CSMD3: variants seen among roughly 807,000 people sequenced by gnomAD.
CSMD3 encodes CUB and Sushi multiple domains 3.
CSMD3 carries 177 observed loss-of-function variants against 435.2 expected under a neutral mutation model. The ratio of observed to expected loss-of-function variants is 0.41; its 90% CI spans 0.36 to 0.46. The LOEUF (loss-of-function observed/expected upper bound fraction) is 0.46. Among genes scored for constraint, CSMD3 ranks in the 20% least tolerant of loss-of-function variants. The probability of loss-of-function intolerance (pLI) is 0.34; values close to 1 mark genes in which losing one functional copy is unlikely to be tolerated. For synonymous variants in CSMD3, 1,656 were observed against 1,520.5 expected, an observed-to-expected ratio of 1.09 and a Z score of -2.07; for missense variants, 4,265 against 4,504.6, an observed-to-expected ratio of 0.95 and a Z score of 1.52.
At chr8:112,345,742 AGATAAT>A (rs1317128596) in intron 41 of CSMD3, among the ~76,000 whole-genome samples, 1 of 152,150 alleles carries the variant, frequency 6.6e-6, no homozygotes, top group African/African-American at 2.4e-5. Context: ...AAAATATTAG[AGATAAT>A]ATATTAATTA....
At chr8:112,645,041 G>A in intron 20 of CSMD3, 68 bp downstream of exon 20, 2 of 856,470 alleles carry the variant, frequency 2.3e-6, no homozygotes, top group Non-Finnish European at 4.1e-6. Flanking sequence ...GTAAAGGAAA[G>A]TGAAATAAGA....
At chr8:112,643,515 A>G (rs1203350108) in intron 20 of CSMD3, 1 of 170,252 alleles carries the variant, frequency 5.9e-6, no homozygotes, top group Non-Finnish European at 1.5e-5. Context: ...ATACAGATTT[A>G]ATTAACATTT....
intron 1 of CSMD3, among the ~76,000 whole-genome samples, chr8:113,364,889 G>A (rs776165968): frequency 6.6e-6 from 1 of 151,934 alleles, no homozygotes; most frequent in South Asian, 2.1e-4. Context: ...AAATTAAAAG[G>A]TTTCTGGACC....
chr8:112,834,079 A>G (rs2079954754), intron 11 of CSMD3, among the ~76,000 whole-genome samples: 1 of 151,916 alleles, frequency 6.6e-6, no homozygotes, highest in Admixed American at 6.6e-5. Flanking sequence ...CACCCATTTA[A>G]TGGTAGATTT....
chr8:112,518,691 C>T (rs1823959790), intron 27 of CSMD3, among the ~76,000 whole-genome samples: 1 of 151,442 alleles, frequency 6.6e-6, no homozygotes, highest in Non-Finnish European at 1.5e-5. Flanking sequence ...TTGATTTGCT[C>T]TGGAATGGTT....
intron 1 of CSMD3, among the ~76,000 whole-genome samples, chr8:113,412,865 C>A (rs561566455): frequency 1.3e-5 from 2 of 152,102 alleles, no homozygotes; most frequent in African/African-American, 4.8e-5. Flanking sequence ...GCCAGGGAAT[C>A]TGAAACAAGA....
chr8:112,658,050 T>C (rs1239640856), intron 17 of CSMD3, among the ~76,000 whole-genome samples: 1 of 152,220 alleles, frequency 6.6e-6, no homozygotes, highest in Non-Finnish European at 1.5e-5. Flanking sequence ...CTTTCTTTTC[T>C]CTAGGGTAGT....
chr8:113,132,792 A>AAGGG (rs1311333972), intron 4 of CSMD3, among the ~76,000 whole-genome samples: 1 of 152,134 alleles, frequency 6.6e-6, no homozygotes, highest in African/African-American at 2.4e-5. Flanking sequence ...GGGAATAGGG[A>AAGGG]AGGGGGCTTA....
chr8:113,265,253 T>C lies in CSMD3; in HGVS notation c.514+13339A>G, dbSNP rs527630535. ...CCTGCATAATGTCTGGAAAGATAAG[T>C]ATGTGAGCCAATAAGTGAAGTGTGT... On this transcript the variant is annotated intron_variant, in intron 3 of 70. Transcript: ENST00000297405. Among the ~76,000 whole-genome samples the C allele has an allele frequency of 5.3e-5, 8 of 151,498 alleles. No individual in the cohort carries two copies. The South Asian group carries it at 1.2e-3, about 24-fold the overall frequency.
chr8:113,233,847 G>A (rs763367129), intron 3 of CSMD3, among the ~76,000 whole-genome samples: 6 of 152,078 alleles, frequency 3.9e-5, no homozygotes, highest in African/African-American at 1.2e-4. Context: ...ACAATTTGAC[G>A]GTTGCTGACA....
chr8:112,519,611 T>C (rs1391664904), intron 27 of CSMD3, among the ~76,000 whole-genome samples: 1 of 152,146 alleles, frequency 6.6e-6, no homozygotes, highest in African/African-American at 2.4e-5. Flanking sequence ...TAGAAGCATA[T>C]GTCAATAGCT....
chr8:112,380,372 C>T lies in CSMD3; in HGVS notation c.6116G>A (p.Gly2039Glu). 1 of 1,581,850 alleles carries T rather than the reference C, an allele frequency of 6.3e-7. No individual in the cohort carries two copies. Among genetic ancestry groups the T allele is most frequent in the Non-Finnish European group, 8.7e-7 (1 of 1,151,094 alleles). The change falls in exon 38 of 71, where the codon GGA (glycine) becomes GAA (glutamate). Residue 2039 changes from glycine (G) to glutamate (E), a missense_variant. Physicochemically the swap from Gly to Glu is moderately conservative, Grantham distance 98 (BLOSUM62 -2). Around this residue, in one of 3 missense-constraint regions of CSMD3, gnomAD observed 3,255 missense variants for 3,380.2 expected, o/e 0.96. Coordinates refer to ENST00000297405, the MANE Select transcript of CSMD3 (RefSeq NM_198123.2). ...TTTACCTGTGTATTCAAGATGAAAT[C>T]CTGCAGCAGAAACACTGATGTCTGA... is the stretch of plus-strand genomic sequence containing the variant. The part of the protein sequence containing the change: ...FQSDISVSAA[G>E]FHLEYTAIGL...
chr8:113,102,582 C>T (rs1030508790), intron 4 of CSMD3, among the ~76,000 whole-genome samples: 7 of 152,152 alleles, frequency 4.6e-5, no homozygotes, highest in African/African-American at 1.7e-4. Context: ...TGTTTGGGAC[C>T]TTGAACTAGT....
At chr8:112,922,652 A>G (rs2082781899) in intron 9 of CSMD3, among the ~76,000 whole-genome samples, 1 of 151,966 alleles carries the variant, frequency 6.6e-6, no homozygotes, top group Non-Finnish European at 1.5e-5. Flanking sequence ...TGCCTGGCTC[A>G]ATTCGCATAA....
intron 22 of CSMD3, among the ~76,000 whole-genome samples, chr8:112,635,438 T>C (rs1052687853): frequency 1.7e-4 from 26 of 151,878 alleles, no homozygotes; most frequent in African/African-American, 5.6e-4. Context: ...AAAATGAAAA[T>C]TGGCATAATG....
chr8:112,887,051 T>C (rs978842190), intron 10 of CSMD3, among the ~76,000 whole-genome samples: 1 of 151,618 alleles, frequency 6.6e-6, no homozygotes, highest in African/African-American at 2.4e-5. Context: ...AATGAGTCAC[T>C]GAATCTCTCT....
Position 112,247,135 on chromosome 8 carries a change from T to A in CSMD3, c.10111-4A>T, listed in dbSNP as rs377197883. On this transcript the variant is annotated splice_polypyrimidine_tract_variant and splice_region_variant and intron_variant, in intron 63 of 70. Transcript: ENST00000297405. ...GGAACTGTACAACACTTCCTACCTA[T>A]AGCAAATTAAAGAGAGGAAAAAAAT... 1.3e-6 allele frequency: 2 copies of A among 1,595,766 alleles called. No homozygotes were observed. Among genetic ancestry groups the A allele is most frequent in the Non-Finnish European group, 1.7e-6 (2 of 1,163,614 alleles).
intron 63 of CSMD3, among the ~76,000 whole-genome samples, chr8:112,250,952 G>T (rs1353169454): frequency 6.6e-6 from 1 of 151,480 alleles, no homozygotes; most frequent in Non-Finnish European, 1.5e-5. Context: ...TTATATCTTA[G>T]TTCCTAAATC....
At chr8:112,362,360 C>T (rs1202621950) in intron 38 of CSMD3, among the ~76,000 whole-genome samples, 1 of 151,904 alleles carries the variant, frequency 6.6e-6, no homozygotes, top group Non-Finnish European at 1.5e-5. Flanking sequence ...TAACATTTAC[C>T]TTGATCCTTA....
Sources: allele counts gnomAD v4.1 joint callset (sites outside exome capture counted in the v4.1 genomes callset), GRCh38; gene constraint gnomAD v4.1.1; regional missense constraint gnomAD v4.1.1; transcripts MANE v1.5; gene names NCBI Gene and HGNC (gene_info 2026-07-23, HGNC 2026-07-21).